GARRE1: variants seen among roughly 807,000 people sequenced by gnomAD.
GARRE1 encodes granule associated Rac and RHOG effector protein 1.
GARRE1 carries 49 observed loss-of-function variants against 103.2 expected under a neutral mutation model. The observed-to-expected ratio is 0.47, with a 90% CI of 0.38 to 0.60. The LOEUF (loss-of-function observed/expected upper bound fraction) is 0.60, where lower values mean the gene tolerates loss of function less well. GARRE1 is among the 20% of genes least tolerant of loss of function. The pLI is 0.00. For synonymous variants in GARRE1, 505 were observed against 532.8 expected (o/e 0.95, Z 0.72); for missense variants, 1,199 against 1,370.5 (o/e 0.87, Z 1.98).
chr19:34,316,295 A>T (rs921476), intron 2 of GARRE1, among the ~76,000 whole-genome samples: 117,977 of 152,076 alleles, frequency 0.78, 46,347 homozygotes, highest in African/African-American at 0.82. Flanking sequence ...TAAACTTAAA[A>T]ACCTGCCTTT....
chr19:34,321,951 G>T (rs1293886923), intron 3 of GARRE1, among the ~76,000 whole-genome samples: 3 of 152,188 alleles, frequency 2.0e-5, no homozygotes, highest in Non-Finnish European at 4.4e-5. Context: ...AAGGAGAATT[G>T]TGGGATTCTC....
Position 34,257,239 on chromosome 19 carries a change from C to T in GARRE1, c.-796+2625C>T, listed in dbSNP as rs192114520. Among the ~76,000 whole-genome samples the T allele has an allele frequency of 3.2e-3, 485 of 151,786 alleles. 2 individuals carry two copies. The highest frequency in any genetic ancestry group is 0.011 in the South Asian group (52 of 4,808). Reference sequence around the variant, plus strand: ...GTTTGTTCTGTTGAAAACCTATAGCCTAATACATCAGGATCCATGTGTCAA... The same window carrying T: ...GTTTGTTCTGTTGAAAACCTATAGCTTAATACATCAGGATCCATGTGTCAA... On this transcript the variant is annotated intron_variant, in intron 1 of 13. Coordinates refer to ENST00000299505, the MANE Select transcript of GARRE1 (RefSeq NM_014686.5).
chr19:34,342,601 T>G, intron 10 of GARRE1, 146 bp downstream of exon 10: 1 of 715,608 alleles, frequency 1.4e-6, no homozygotes, highest in Non-Finnish European at 2.3e-6. Context: ...TGGAGGCAAG[T>G]ATGGGGCAGA....
intron 2 of GARRE1, among the ~76,000 whole-genome samples, chr19:34,314,892 G>A (rs4806010): frequency 0.041 from 6,194 of 152,238 alleles, 190 homozygotes; most frequent in Admixed American, 0.11. Context: ...TTAGGTCTTT[G>A]TGTCACATTC....
intron 3 of GARRE1, among the ~76,000 whole-genome samples, chr19:34,323,442 T>C (rs2074098705): frequency 6.6e-6 from 1 of 152,226 alleles, no homozygotes; most frequent in Non-Finnish European, 1.5e-5. Flanking sequence ...TTTCATGCCA[T>C]TTGCTGCATT....
At chr19:34,269,245 C>T (rs922377018) in intron 1 of GARRE1, among the ~76,000 whole-genome samples, 1 of 152,184 alleles carries the variant, frequency 6.6e-6, no homozygotes, top group Admixed American at 6.5e-5. Flanking sequence ...GGTCATGGAT[C>T]ACCACGTGGA....
intron 1 of GARRE1, among the ~76,000 whole-genome samples, chr19:34,289,706 G>C (rs1264212455): frequency 6.6e-6 from 1 of 150,898 alleles, no homozygotes; most frequent in Admixed American, 6.6e-5. Flanking sequence ...CCTGGTGACA[G>C]AGCTAGACTC....
In GARRE1 at chr19:34,351,554, T is replaced by C. The variant is rs371432326; in HGVS notation, c.2866T>C (p.Ser956Pro). ...SGEQDTSTLP[S>P]PPLLTTVEDV... ...AGAGCAAGACACCAGCACGCTGCCCTCACCACCTCTCCTCACCACGGTGGA... is the reference window on the plus strand; with the variant it reads ...AGAGCAAGACACCAGCACGCTGCCCCCACCACCTCTCCTCACCACGGTGGA... The change falls in exon 13 of 14, where the codon TCA becomes CCA. Residue 956 changes from serine to proline, a missense_variant. By Grantham distance (74) the Ser-to-Pro change is moderately conservative. Coordinates refer to ENST00000299505, the MANE Select transcript of GARRE1 (RefSeq NM_014686.5). 1.2e-5 allele frequency: 19 copies of C among 1,613,852 alleles called. No homozygotes were observed. Among genetic ancestry groups the C allele is most frequent in the Middle Eastern group, 3.3e-4 (2 of 6,082 alleles).
intron 1 of GARRE1, among the ~76,000 whole-genome samples, chr19:34,299,104 G>A (rs747072544): frequency 1.3e-5 from 2 of 152,182 alleles, no homozygotes; most frequent in Non-Finnish European, 2.9e-5. Context: ...CTTGGTATCC[G>A]ACTGTCCCGT....
chr19:34,282,426 A>G (rs1194488521), intron 1 of GARRE1, among the ~76,000 whole-genome samples: 1 of 152,224 alleles, frequency 6.6e-6, no homozygotes, highest in Non-Finnish European at 1.5e-5. Context: ...CTCGGATTAC[A>G]GGCGTGAGCC....
At chr19:34,278,342 G>A (rs1046667716) in intron 1 of GARRE1, among the ~76,000 whole-genome samples, 2 of 151,408 alleles carry the variant, frequency 1.3e-5, no homozygotes, top group African/African-American at 4.9e-5. Flanking sequence ...TACTTGGGAG[G>A]CTGAGGCACG....
intron 3 of GARRE1, among the ~76,000 whole-genome samples, chr19:34,322,723 G>A (rs1402558046): frequency 2.0e-5 from 3 of 151,772 alleles, no homozygotes; most frequent in African/African-American, 7.3e-5. Flanking sequence ...CAGTAGCTGG[G>A]ATTATAGGCA....
intron 2 of GARRE1, among the ~76,000 whole-genome samples, chr19:34,319,220 A>G (rs536289101): frequency 6.6e-6 from 1 of 152,138 alleles, no homozygotes; most frequent in Non-Finnish European, 1.5e-5. Flanking sequence ...TTACATATTC[A>G]TGTGTATAGT....
At chr19:34,276,271 G>A (rs1188271793) in intron 1 of GARRE1, among the ~76,000 whole-genome samples, 25 of 152,146 alleles carry the variant, frequency 1.6e-4, no homozygotes, top group Admixed American at 1.5e-3. Flanking sequence ...TCATGCTCCT[G>A]ACCTCAGGTG....
intron 12 of GARRE1, 84 bp from the exon 13 acceptor site, chr19:34,351,430 T>C: frequency 9.5e-7 from 1 of 1,057,138 alleles, no homozygotes; most frequent in Non-Finnish European, 1.5e-6. Flanking sequence ...CTGGAGATGC[T>C]GGAGCCTAGC....
chr19:34,353,254 G>A lies in GARRE1; in HGVS notation c.*299G>A, dbSNP rs1411679203. 7.3e-6 allele frequency: 3 copies of A among 413,512 alleles called. No homozygotes were observed. The highest frequency in any genetic ancestry group is 8.6e-6 in the Non-Finnish European group (2 of 232,072). The allele number at this position is 413,512 out of a possible 1,614,324, so 25.6% of individuals were successfully genotyped here. ...CGCCACAGGTGACTCTGATGCAGGC[G>A]CCACAGCCACACTTGAAGAAACACA... On this transcript the variant is annotated 3_prime_UTR_variant, in exon 14 of 14. Transcript: ENST00000299505.
intron 8 of GARRE1, among the ~76,000 whole-genome samples, chr19:34,334,848 G>T (rs1005124376): frequency 6.6e-6 from 1 of 152,212 alleles, no homozygotes; most frequent in African/African-American, 2.4e-5. Context: ...GAGGTCAGGA[G>T]TTCCAGACCA....
chr19:34,328,289 A>C (rs936520217), intron 6 of GARRE1, 138 bp downstream of exon 6: 1 of 923,362 alleles, frequency 1.1e-6, no homozygotes, highest in Non-Finnish European at 1.6e-6. Flanking sequence ...TAATCCTAGC[A>C]CTTTGGGAGG....
At chr19:34,275,260 C>T (rs1356968845) in intron 1 of GARRE1, among the ~76,000 whole-genome samples, 1 of 150,194 alleles carries the variant, frequency 6.7e-6, no homozygotes, top group African/African-American at 2.5e-5. Context: ...AATTCACATA[C>T]CATACAGTTT....
Sources: allele counts gnomAD v4.1 joint callset (sites outside exome capture counted in the v4.1 genomes callset), GRCh38; gene constraint gnomAD v4.1.1; transcripts MANE v1.5; gene names NCBI Gene and HGNC (gene_info 2026-07-23, HGNC 2026-07-21).